SPRED1: variants seen among roughly 807,000 people sequenced by gnomAD.
SPRED1 encodes the protein sprouty related EVH1 domain containing 1.
In SPRED1, 18 loss-of-function variants were observed where a neutral mutation model predicts 52.3. The observed-to-expected ratio is 0.34, with a 90% CI of 0.24 to 0.51. The LOEUF (loss-of-function observed/expected upper bound fraction) is 0.51, where lower values mean the gene tolerates loss of function less well. Among genes scored for constraint, SPRED1 ranks in the 20% least tolerant of loss-of-function variants. The probability of loss-of-function intolerance (pLI) is 0.97; values close to 1 mark genes in which losing one functional copy is unlikely to be tolerated. For synonymous variants in SPRED1, 155 were observed against 179.7 expected (o/e 0.86, Z 1.10); for missense variants, 485 against 551.0 (o/e 0.88, Z 1.20).
chr15:38,311,469 ATTCTGTT>A (rs1223962396), intron 2 of SPRED1, among the ~76,000 whole-genome samples: 1 of 152,202 alleles, frequency 6.6e-6, no homozygotes, highest in East Asian at 1.9e-4. Flanking sequence ...ACTCCCTCAT[ATTCTGTT>A]TTCTGGAAAA....
intron 2 of SPRED1, among the ~76,000 whole-genome samples, chr15:38,306,906 TCCTTTC>T (rs1895261486): frequency 6.6e-6 from 1 of 152,212 alleles, no homozygotes; most frequent in Non-Finnish European, 1.5e-5. Flanking sequence ...CTAACATCAT[TCCTTTC>T]TGTAGTTACT....
intron 2 of SPRED1, among the ~76,000 whole-genome samples, chr15:38,315,966 G>A (rs1235476931): frequency 6.6e-6 from 1 of 151,826 alleles, no homozygotes; most frequent in African/African-American, 2.4e-5. Context: ...AGACTGGATG[G>A]GACCCAGCAG....
chr15:38,327,151 G>A (rs111359977), intron 4 of SPRED1, among the ~76,000 whole-genome samples: 145 of 152,186 alleles, frequency 9.5e-4, no homozygotes, highest in African/African-American at 3.2e-3. Context: ...CTACACCCAG[G>A]AAATTTCATC....
intron 5 of SPRED1, among the ~76,000 whole-genome samples, chr15:38,349,125 A>G (rs140709265): frequency 1.3e-5 from 2 of 152,278 alleles, no homozygotes; most frequent in African/African-American, 4.8e-5. Context: ...GTTGAATAAT[A>G]TTCCACTCTA....
intron 1 of SPRED1, among the ~76,000 whole-genome samples, chr15:38,293,652 T>G (rs1894970076): frequency 6.6e-6 from 1 of 152,214 alleles, no homozygotes; most frequent in Non-Finnish European, 1.5e-5. Context: ...AACATTCTGC[T>G]TTCTTGCTTA....
At chr15:38,276,877 A>G (rs1253145565) in intron 1 of SPRED1, among the ~76,000 whole-genome samples, 1 of 152,116 alleles carries the variant, frequency 6.6e-6, no homozygotes, top group Non-Finnish European at 1.5e-5. Flanking sequence ...TTACTAACTT[A>G]TGGAACATTC....
At chr15:38,283,238 A>G (rs1323539001) in intron 1 of SPRED1, among the ~76,000 whole-genome samples, 1 of 152,188 alleles carries the variant, frequency 6.6e-6, no homozygotes, top group South Asian at 2.1e-4. Flanking sequence ...TGTCAAACAC[A>G]TATATAACCA....
chr15:38,299,294 G>A (rs142406055), intron 1 of SPRED1, 79 bp from the exon 2 acceptor site: 1 of 1,446,526 alleles, frequency 6.9e-7, no homozygotes, highest in Admixed American at 1.7e-5. Flanking sequence ...TGTGTTCTTT[G>A]GTTTCTCAAA....
chr15:38,301,696 ACACTGTGAT>A (rs1338736377), intron 2 of SPRED1, among the ~76,000 whole-genome samples: 31 of 152,292 alleles, frequency 2.0e-4, no homozygotes, highest in Non-Finnish European at 2.2e-4. Context: ...GCTGGGTAAT[ACACTGTGAT>A]CAAGACTACT....
intron 1 of SPRED1, among the ~76,000 whole-genome samples, chr15:38,273,519 TAATATATA>T (rs1267824825): frequency 8.8e-6 from 1 of 113,008 alleles, no homozygotes; most frequent in African/African-American, 3.2e-5. Flanking sequence ...TATGTATTAT[TAATATATA>T]TATATATATA....
chr15:38,257,398 A>G lies in SPRED1; in HGVS notation c.32+4181A>G, dbSNP rs867468890. ...TTATGCATTTGAGATCATTAGCTGT[A>G]TTAGAAAAAAAGGCCGAAAAAGAGT... On this transcript the variant is annotated intron_variant, in intron 1 of 6. Coordinates refer to ENST00000299084, the MANE Select transcript of SPRED1 (RefSeq NM_152594.3). Among the ~76,000 whole-genome samples, 16 of 152,268 alleles carry G rather than the reference A, an allele frequency of 1.1e-4. 1 individual carries two copies. The highest frequency in any genetic ancestry group is 8.3e-4 in the South Asian group (4 of 4,828).
intron 5 of SPRED1, among the ~76,000 whole-genome samples, chr15:38,344,513 A>G (rs933935463): frequency 1.3e-5 from 2 of 152,176 alleles, no homozygotes; most frequent in Non-Finnish European, 2.9e-5. Flanking sequence ...GAATAACTGC[A>G]AGAGAGAGAA....
intron 1 of SPRED1, among the ~76,000 whole-genome samples, chr15:38,287,606 C>T (rs1370163854): frequency 6.6e-6 from 1 of 152,104 alleles, no homozygotes; most frequent in Non-Finnish European, 1.5e-5. Context: ...ATGTGTTTCA[C>T]ATCTGTGAAT....
chr15:38,316,748 G>GGTTTTTTTTTTTTTTTTTTTTTTTTT lies in SPRED1; in HGVS notation c.208-5493_208-5492insGTTTTTTTTTTTTTTTTTTTTTTTTT. Among the ~76,000 whole-genome samples, 14 of 41,920 alleles carry GGTTTTTTTTTTTTTTTTTTTTTTTTT rather than the reference G, an allele frequency of 3.3e-4. 3 individuals carry two copies. The highest frequency in any genetic ancestry group is 8.6e-4 in the Admixed American group (3 of 3,490). 27.5% of individuals were successfully genotyped at this position (41,920 alleles called of 152,430 possible). A position where few individuals can be genotyped will look rare whatever the true frequency, so the allele number is the denominator to read the frequency against. On this transcript the variant is annotated intron_variant, in intron 2 of 6. Transcript: ENST00000299084. The stretch of plus-strand genomic sequence containing the variant: ...TCTAGTTTACAATTTTCCATTATAT[G>GGTTTTTTTTTTTTTTTTTTTTTTTTT]TTTTTTTTTTTTTTTTTTTTTTTTG...
intron 6 of SPRED1, among the ~76,000 whole-genome samples, chr15:38,350,774 G>T (rs1466582559): frequency 1.3e-5 from 2 of 152,286 alleles, no homozygotes; most frequent in South Asian, 4.2e-4. Flanking sequence ...TGCTCAGGGG[G>T]AGCTCAGTCT....
intron 1 of SPRED1, among the ~76,000 whole-genome samples, chr15:38,296,540 T>C (rs1046736758): frequency 6.6e-6 from 1 of 152,156 alleles, no homozygotes; most frequent in African/African-American, 2.4e-5. Context: ...CCTTTGACTT[T>C]ATTGAAATAC....
intron 4 of SPRED1, among the ~76,000 whole-genome samples, chr15:38,339,199 C>G (rs1470353014): frequency 6.6e-6 from 1 of 151,870 alleles, no homozygotes; most frequent in African/African-American, 2.4e-5. Context: ...TATCTCCCAA[C>G]CTAAGTCTAA....
intron 4 of SPRED1, among the ~76,000 whole-genome samples, chr15:38,327,578 G>A (rs1274162613): frequency 2.0e-5 from 3 of 152,174 alleles, no homozygotes; most frequent in African/African-American, 7.2e-5. Context: ...AGGAATTGAG[G>A]TCATCTGCCA....
rs182291823 is a variant in SPRED1 at position 38,304,998 on chromosome 15, A to T, written c.207+5451A>T. Among the ~76,000 whole-genome samples the T allele has an allele frequency of 2.0e-4, 31 of 152,296 alleles. No individual in the cohort carries two copies. The East Asian group carries it at 5.8e-3, about 28-fold the overall frequency. On this transcript the variant is annotated intron_variant, in intron 2 of 6. Transcript: ENST00000299084. ...TTTTTTTAACCTTAGTTGACAATAA[A>T]GGAACTTCATTGAATCCTACAGTAT... is the stretch of plus-strand genomic sequence containing the variant.
Sources: allele counts gnomAD v4.1 joint callset (sites outside exome capture counted in the v4.1 genomes callset), GRCh38; gene constraint gnomAD v4.1.1; transcripts MANE v1.5; gene names NCBI Gene and HGNC (gene_info 2026-07-23, HGNC 2026-07-21).